The following VWC2 variants were observed in gnomAD, a reference collection of about 807,000 sequenced individuals.
VWC2 encodes brorin.
A neutral mutation model predicts 29.8 loss-of-function variants in VWC2; 14 were observed. That is an observed-to-expected ratio of 0.47 (90% CI 0.31 to 0.74). VWC2 has a LOEUF of 0.74. VWC2 is among the 30% of genes least tolerant of loss of function. VWC2 has a pLI of 0.05. For missense variants in VWC2, 457 were observed against 459.8 expected, an observed-to-expected ratio of 0.99 and a Z score of 0.05; for synonymous variants, 213 against 199.0, an observed-to-expected ratio of 1.07 and a Z score of -0.59.
At chr7:49,795,203 C>T (rs528318194) in intron 2 of VWC2, among the ~76,000 whole-genome samples, 1 of 152,292 alleles carries the variant, frequency 6.6e-6, no homozygotes, top group African/African-American at 2.4e-5. Flanking sequence ...TATGTAATCT[C>T]TAATCAGCAA....
At chr7:49,877,739 A>G (rs1230925659) in intron 3 of VWC2, among the ~76,000 whole-genome samples, 1 of 149,966 alleles carries the variant, frequency 6.7e-6, no homozygotes, top group Non-Finnish European at 1.5e-5. Context: ...AGAGCCACTC[A>G]CTTTTCAGGT....
intron 3 of VWC2, among the ~76,000 whole-genome samples, chr7:49,831,867 T>G (rs1364974271): frequency 1.3e-5 from 2 of 152,158 alleles, no homozygotes; most frequent in African/African-American, 4.8e-5. Context: ...CTCCAGAACT[T>G]AGGCAAAAAG....
At position 49,850,988 on chromosome 7, in the gene VWC2, A is replaced by G. The variant is rs935801800; in HGVS notation, c.826+48148A>G. ...CAACCTGAGAACCTGAGTGGCTTTA[A>G]GGAATGTCAGTTTACTCGTCCGCAA... On this transcript the variant is annotated intron_variant, in intron 3 of 3. Transcript: ENST00000340652. Among the ~76,000 whole-genome samples, 15 of 152,294 alleles carry G rather than the reference A, an allele frequency of 9.8e-5. No individual in the cohort carries two copies. The South Asian group carries it at 2.7e-3, about 27-fold the overall frequency.
Position 49,913,577 on chromosome 7 carries a change from T to C in VWC2, c.*1392T>C, listed in dbSNP as rs1010477947. 1.3e-5 allele frequency: 2 copies of C among 152,188 alleles called. No individual in the cohort carries two copies. Among genetic ancestry groups the C allele is most frequent in the African/African-American group, 2.4e-5 (1 of 41,460 alleles). 9.4% of individuals were successfully genotyped at this position (152,188 alleles called of 1,614,324 possible). A position where few individuals can be genotyped will look rare whatever the true frequency, so the allele number is the denominator to read the frequency against. On this transcript the variant is annotated 3_prime_UTR_variant, in exon 4 of 4. Coordinates refer to ENST00000340652, the MANE Select transcript of VWC2 (RefSeq NM_198570.5). ...TTTTTGTTTATTCTGAAATTTTGCA[T>C]TAAGAACCTATTAAGTACAAAGCAT...
chr7:49,871,886 TG>T (rs1162522667), intron 3 of VWC2, among the ~76,000 whole-genome samples: 17 of 145,318 alleles, frequency 1.2e-4, no homozygotes, highest in Admixed American at 2.1e-4. Context: ...TAATGTTTTT[TG>T]TATGTATATG....
At chr7:49,799,619 C>T (rs1244264520) in intron 2 of VWC2, among the ~76,000 whole-genome samples, 1 of 152,236 alleles carries the variant, frequency 6.6e-6, no homozygotes, top group Non-Finnish European at 1.5e-5. Flanking sequence ...TAATTCTAAG[C>T]ATCAACTCTG....
At chr7:49,822,920 T>C (rs1268332128) in intron 3 of VWC2, among the ~76,000 whole-genome samples, 1 of 152,298 alleles carries the variant, frequency 6.6e-6, no homozygotes, top group African/African-American at 2.4e-5. Context: ...TTGGTGGAGA[T>C]TTGAGATTTT....
At chr7:49,876,482 C>A (rs1791418377) in intron 3 of VWC2, among the ~76,000 whole-genome samples, 1 of 152,042 alleles carries the variant, frequency 6.6e-6, no homozygotes, top group African/African-American at 2.4e-5. Flanking sequence ...TCTTTTAAGA[C>A]CACAAACTCA....
In VWC2 at chr7:49,899,938, T is replaced by C. The variant is rs140300324; in HGVS notation, c.827-12096T>C. Among the ~76,000 whole-genome samples, 266 of 151,940 alleles carry C rather than the reference T, an allele frequency of 1.8e-3. 3 individuals carry two copies. The highest frequency in any genetic ancestry group is 6.0e-3 in the African/African-American group (249 of 41,520). ...CATTCTGGGTCATAAAATACCTTAA[T>C]AAATTTTGAAAAATGGAAATCATAC... On this transcript the variant is annotated intron_variant, in intron 3 of 3. Transcript: ENST00000340652.
chr7:49,904,718 G>C (rs1792986928), intron 3 of VWC2, among the ~76,000 whole-genome samples: 1 of 149,982 alleles, frequency 6.7e-6, no homozygotes, highest in African/African-American at 2.5e-5. Context: ...GGAAAAAATA[G>C]CAACATAGCA....
At chr7:49,830,856 T>A (rs2128711351) in intron 3 of VWC2, among the ~76,000 whole-genome samples, 1 of 152,338 alleles carries the variant, frequency 6.6e-6, no homozygotes, top group East Asian at 1.9e-4. Context: ...ACTCATCCTT[T>A]TTTATGGCTG....
chr7:49,803,726 G>T (rs1441041646), intron 3 of VWC2, among the ~76,000 whole-genome samples: 1 of 152,154 alleles, frequency 6.6e-6, no homozygotes, highest in East Asian at 1.9e-4. Context: ...GCATGGGTTT[G>T]GTATGTGGCA....
In VWC2 at chr7:49,776,062, G is replaced by C. The variant is rs1375476425; in HGVS notation, c.627G>C (p.Pro209=). 1 of 1,553,966 alleles carries C rather than the reference G, an allele frequency of 6.4e-7. No individual in the cohort carries two copies. Among genetic ancestry groups the C allele is most frequent in the Non-Finnish European group, 8.7e-7 (1 of 1,155,744 alleles). The change falls in exon 2 of 4, where the codon CCG becomes CCC. Residue 209 remains proline (P), a synonymous_variant. Transcript: ENST00000340652. ...ACGTCGACACGAGCCAGTGCTGCCC[G>C]CAGTGCAAGGAGAGGAAGAACTACT... The part of the protein sequence containing the change: ...CIHVDTSQCC[P]QCKERKNYCE...
rs75828555 is a variant in VWC2 at position 49,873,846 on chromosome 7, A to G, written c.827-38188A>G. On this transcript the variant is annotated intron_variant, in intron 3 of 3. Coordinates refer to ENST00000340652, the MANE Select transcript of VWC2 (RefSeq NM_198570.5). ...TAATTATGGAATATTCATATAATGT[A>G]CTACTACACAGCATTTATATTTATG... Among the ~76,000 whole-genome samples the G allele has an allele frequency of 3.9e-4, 60 of 152,208 alleles. 2 individuals are homozygous for G. In the East Asian group the frequency reaches 0.011, roughly 29 times the overall value.
intron 3 of VWC2, among the ~76,000 whole-genome samples, chr7:49,900,142 A>G (rs540190987): frequency 1.3e-5 from 2 of 151,916 alleles, no homozygotes; most frequent in South Asian, 4.1e-4. Context: ...TTTATTTTAA[A>G]CTAAATAAAA....
intron 3 of VWC2, among the ~76,000 whole-genome samples, chr7:49,893,718 A>G (rs549898908): frequency 1.3e-5 from 2 of 152,260 alleles, no homozygotes; most frequent in African/African-American, 4.8e-5. Flanking sequence ...TCGAAATACA[A>G]TAGATGTTGA....
chr7:49,888,175 C>A (rs973940630), intron 3 of VWC2, among the ~76,000 whole-genome samples: 1 of 152,150 alleles, frequency 6.6e-6, no homozygotes, highest in African/African-American at 2.4e-5. Context: ...TTTTCTGGAC[C>A]TTTTAAAAAA....
intron 3 of VWC2, among the ~76,000 whole-genome samples, chr7:49,890,946 C>A (rs1468767330): frequency 6.6e-6 from 1 of 151,460 alleles, no homozygotes; most frequent in African/African-American, 2.4e-5. Flanking sequence ...CTTTAGAAGA[C>A]AACAAATGAG....
chr7:49,775,794 C>G lies in VWC2; in HGVS notation c.359C>G (p.Ala120Gly), dbSNP rs769604. ...QVRPRGDTPQ[A>G]EALAAAAQDA... is the part of the protein sequence containing the mutation. ...CGGCCCCGCGGGGACACCCCGCAGG[C>G]GGAAGCCCTGGCCGCAGCCGCCCAG... Residue 120 changes from alanine (A) to glycine (G), a missense_variant, in exon 2 of 4, where the codon GCG becomes GGG. By Grantham distance (60) the Ala-to-Gly change is moderately conservative (BLOSUM62 0). This residue lies in a region of VWC2 where 272 missense variants were observed against 202.7 expected (regional missense o/e 1.34). Coordinates refer to ENST00000340652, the MANE Select transcript of VWC2 (RefSeq NM_198570.5). 0.47 allele frequency: 714,538 copies of G among 1,531,418 alleles called. 168,751 individuals carry two copies. The highest frequency in any genetic ancestry group is 0.61 in the African/African-American group (44,218 of 72,202). 94.9% of individuals were successfully genotyped at this position (1,531,418 alleles called of 1,614,324 possible).
Sources: gnomAD v4.1 joint callset for allele counts (sites outside exome capture counted in the v4.1 genomes callset) on GRCh38, gnomAD v4.1.1 for gene constraint, gnomAD v4.1.1 regional missense constraint, MANE v1.5 for transcripts, NCBI Gene and HGNC (gene_info 2026-07-23, HGNC 2026-07-21) for gene names.